Variants in RABGAP1L observed in about 807,000 individuals in gnomAD.
RABGAP1L encodes RAB GTPase activating protein 1 like.
In RABGAP1L, 63 loss-of-function variants were observed where a neutral mutation model predicts 137.7. The observed-to-expected ratio is 0.46, with a 90% confidence interval of 0.37 to 0.56. The LOEUF (loss-of-function observed/expected upper bound fraction) is 0.56. Ranked by LOEUF, RABGAP1L falls within the 20% of genes least tolerant of loss-of-function variation. RABGAP1L has a pLI of 0.00. For missense variants in RABGAP1L, 1,095 were observed against 1,244.0 expected, an observed-to-expected ratio of 0.88 and a Z score of 1.80; for synonymous variants, 431 against 433.7, an observed-to-expected ratio of 0.99 and a Z score of 0.08.
At chr1:174,660,430 G>GT (rs1340671982) in intron 14 of RABGAP1L, among the ~76,000 whole-genome samples, 1 of 152,102 alleles carries the variant, frequency 6.6e-6, no homozygotes, top group Non-Finnish European at 1.5e-5. Flanking sequence ...CACACAACCA[G>GT]TTTTTTAGGA....
chr1:174,631,452 G>C (rs968109825), intron 13 of RABGAP1L, among the ~76,000 whole-genome samples: 3 of 95,482 alleles, frequency 3.1e-5, no homozygotes, highest in African/African-American at 2.2e-4. Context: ...TATCCTTGTT[G>C]ACTTTCTGTC....
chr1:174,185,077 C>G (rs1666698943), intron 1 of RABGAP1L, among the ~76,000 whole-genome samples: 1 of 152,152 alleles, frequency 6.6e-6, no homozygotes, highest in Admixed American at 6.5e-5. Context: ...TTCTTGACCT[C>G]TTTGGGTTAT....
intron 19 of RABGAP1L, among the ~76,000 whole-genome samples, chr1:174,868,759 G>A (rs994821996): frequency 4.6e-5 from 7 of 152,040 alleles, no homozygotes; most frequent in Non-Finnish European, 1.0e-4. Flanking sequence ...TCAGGAAACC[G>A]GAGAGGGCAG....
intron 19 of RABGAP1L, among the ~76,000 whole-genome samples, chr1:174,953,035 CAAAA>C (rs34788853): frequency 7.2e-5 from 7 of 97,308 alleles, no homozygotes; most frequent in East Asian, 3.3e-4. Flanking sequence ...GGGTGGCATG[CAAAA>C]AAAAAAAAAA....
chr1:174,784,193 G>A (rs1419402114), intron 18 of RABGAP1L, among the ~76,000 whole-genome samples: 1 of 151,146 alleles, frequency 6.6e-6, no homozygotes, highest in Non-Finnish European at 1.5e-5. Flanking sequence ...CCAATTTTTT[G>A]TATTTTTAGT....
chr1:174,514,247 CAAAAAAAAAAA>C lies in RABGAP1L; in HGVS notation c.1710+120115_1710+120125del, dbSNP rs776487855. Among the ~76,000 whole-genome samples the C allele has an allele frequency of 9.9e-5, 8 of 81,072 alleles. No individual in the cohort carries two copies. In the South Asian group the frequency reaches 4.0e-3, roughly 41 times the overall value. The allele number at this position is 81,072 out of a possible 152,430, so 53.2% of individuals were successfully genotyped here. A position where few individuals can be genotyped will look rare whatever the true frequency, so the allele number is the denominator to read the frequency against. ...ATGAAGCATGTGTTATATTTTAAGC[CAAAAAAAAAAA>C]AAAAAAAAAAAACTGGGGAGGGATC... On this transcript the variant is annotated intron_variant, in intron 13 of 25. Coordinates refer to ENST00000681986, the MANE Select transcript of RABGAP1L (RefSeq NM_001366446.1).
intron 19 of RABGAP1L, among the ~76,000 whole-genome samples, chr1:174,953,353 A>G (rs1393558067): frequency 2.0e-5 from 3 of 152,212 alleles, no homozygotes; most frequent in Admixed American, 6.5e-5. Flanking sequence ...TGAGGCCAGC[A>G]TGGCTAATAT....
At chr1:174,473,359 T>G (rs893422773) in intron 13 of RABGAP1L, among the ~76,000 whole-genome samples, 21 of 152,146 alleles carry the variant, frequency 1.4e-4, no homozygotes, top group African/African-American at 4.8e-4. Context: ...ACTTTGTACT[T>G]CAGGTTCAAA....
chr1:174,192,695 G>C (rs935019279), intron 1 of RABGAP1L, among the ~76,000 whole-genome samples: 3 of 152,160 alleles, frequency 2.0e-5, no homozygotes, highest in Non-Finnish European at 4.4e-5. Context: ...TTCATTACTG[G>C]TAAAGGTGAG....
chr1:174,270,873 G>A (rs1156972678), intron 7 of RABGAP1L, among the ~76,000 whole-genome samples: 2 of 152,136 alleles, frequency 1.3e-5, no homozygotes, highest in African/African-American at 4.8e-5. Flanking sequence ...AGCAAAGTAT[G>A]TAGGGATGTG....
chr1:174,589,305 T>G (rs1669368557), intron 13 of RABGAP1L, among the ~76,000 whole-genome samples: 1 of 152,204 alleles, frequency 6.6e-6, no homozygotes, highest in South Asian at 2.1e-4. Flanking sequence ...ATTATTAGAT[T>G]TTTTTTCTAT....
chr1:174,909,032 A>T (rs1219179564), intron 19 of RABGAP1L, among the ~76,000 whole-genome samples: 1 of 151,232 alleles, frequency 6.6e-6, no homozygotes, highest in African/African-American at 2.4e-5. Flanking sequence ...AAAAACCATT[A>T]ACCAGGTATG....
At chr1:174,353,605 T>C (rs1453014109) in intron 11 of RABGAP1L, among the ~76,000 whole-genome samples, 1 of 152,226 alleles carries the variant, frequency 6.6e-6, no homozygotes, top group Non-Finnish European at 1.5e-5. Flanking sequence ...CACTGACTGC[T>C]GGGATTTCCT....
At chr1:174,745,466 C>T (rs950580862) in intron 17 of RABGAP1L, among the ~76,000 whole-genome samples, 3 of 152,186 alleles carry the variant, frequency 2.0e-5, no homozygotes, top group Admixed American at 1.3e-4. Context: ...TTTAATCCAT[C>T]ACAGATATCT....
chr1:174,727,124 T>A (rs1171833185), intron 17 of RABGAP1L, among the ~76,000 whole-genome samples: 1 of 152,168 alleles, frequency 6.6e-6, no homozygotes, highest in African/African-American at 2.4e-5. Context: ...AAGATAATAA[T>A]ATCAATTTCT....
intron 19 of RABGAP1L, among the ~76,000 whole-genome samples, chr1:174,863,241 A>AAAAAG (rs1553267203): frequency 1.3e-5 from 2 of 148,504 alleles, no homozygotes; most frequent in Non-Finnish European, 3.0e-5. Context: ...AGCAAAAAAA[A>AAAAAG]AAAAAAAGAA....
At chr1:174,389,157 T>C (rs1332516704) in intron 12 of RABGAP1L, among the ~76,000 whole-genome samples, 1 of 152,140 alleles carries the variant, frequency 6.6e-6, no homozygotes, top group Non-Finnish European at 1.5e-5. Flanking sequence ...CTATCCTTTT[T>C]CTTGAAACAT....
At chr1:174,258,188 G>T (rs1348271869) in intron 7 of RABGAP1L, among the ~76,000 whole-genome samples, 1 of 152,200 alleles carries the variant, frequency 6.6e-6, no homozygotes, top group African/African-American at 2.4e-5. Flanking sequence ...CATTTCATTG[G>T]ATTAAATGTG....
rs557137005 is a variant in RABGAP1L, at chr1:174,822,754, C to T, written c.2340+10794C>T. Among the ~76,000 whole-genome samples the T allele has an allele frequency of 2.3e-3, 350 of 152,342 alleles. 2 individuals are homozygous for T. Among genetic ancestry groups the T allele is most frequent in the Non-Finnish European group, 2.7e-3 (187 of 68,024 alleles). On this transcript the variant is annotated intron_variant, in intron 19 of 25. Transcript: ENST00000681986. Reference sequence around the variant, plus strand: ...ATGCTTGCTCTCCCACGAGGCACCTCTTTCTGTGTGGCCCGGTTCCTAATG... The same window carrying T: ...ATGCTTGCTCTCCCACGAGGCACCTTTTTCTGTGTGGCCCGGTTCCTAATG...
Sources: gnomAD v4.1 joint callset for allele counts (sites outside exome capture counted in the v4.1 genomes callset) on GRCh38, gnomAD v4.1.1 for gene constraint, MANE v1.5 for transcripts, NCBI Gene and HGNC (gene_info 2026-07-23, HGNC 2026-07-21) for gene names.